The following BTLA variants were observed in gnomAD, a reference collection of about 807,000 sequenced individuals.
BTLA encodes B- and T-lymphocyte attenuator.
A neutral mutation model predicts 25.0 loss-of-function variants in BTLA; 11 were observed. The ratio of observed to expected loss-of-function variants is 0.44; its 90% CI spans 0.28 to 0.73. BTLA has a LOEUF of 0.73. Among genes scored for constraint, BTLA ranks in the 30% least tolerant of loss-of-function variants. The probability of loss-of-function intolerance (pLI) is 0.15; values close to 1 mark genes in which losing one functional copy is unlikely to be tolerated. For missense variants in BTLA, 282 were observed against 332.8 expected (o/e 0.85, Z 1.19); for synonymous variants, 104 against 119.8 (o/e 0.87, Z 0.86).
At position 112,485,427 on chromosome 3, in the gene BTLA, T is replaced by G. The variant is rs145853705; in HGVS notation, c.89-5658A>C. 2.0e-5 allele frequency among the ~76,000 whole-genome samples: 3 copies of G among 152,352 alleles called. No homozygotes were observed. The East Asian group carries it at 5.8e-4, about 29-fold the overall frequency. On this transcript the variant is annotated intron_variant, in intron 1 of 4. Coordinates refer to ENST00000334529, the MANE Select transcript of BTLA (RefSeq NM_181780.4). ...CTGTTCTGAATTATGCATATCCATC[T>G]TATGATACTTAGGACACACAAAGCT...
At chr3:112,481,511 A>T (rs2082318021) in intron 1 of BTLA, among the ~76,000 whole-genome samples, 1 of 152,228 alleles carries the variant, frequency 6.6e-6, no homozygotes, top group South Asian at 2.1e-4. Flanking sequence ...CAGAGAACAG[A>T]AACCTGAGGC....
chr3:112,485,907 T>C (rs548924813), intron 1 of BTLA, among the ~76,000 whole-genome samples: 97 of 152,274 alleles, frequency 6.4e-4, no homozygotes, highest in African/African-American at 2.3e-3. Flanking sequence ...GGTCAGGAGA[T>C]AGAGACCATC....
chr3:112,483,866 G>T (rs1023075613), intron 1 of BTLA, among the ~76,000 whole-genome samples: 4 of 152,094 alleles, frequency 2.6e-5, no homozygotes, highest in Middle Eastern at 3.4e-3. Context: ...TACTCAAGAG[G>T]CTGAGGCAGG....
intron 1 of BTLA, among the ~76,000 whole-genome samples, chr3:112,486,559 T>C (rs982559748): frequency 6.6e-6 from 1 of 152,174 alleles, no homozygotes; most frequent in Non-Finnish European, 1.5e-5. Flanking sequence ...GATTCTTTAG[T>C]TATAGTCTGA....
chr3:112,471,585 G>T (rs2082262369), intron 2 of BTLA, among the ~76,000 whole-genome samples: 1 of 152,144 alleles, frequency 6.6e-6, no homozygotes, highest in Non-Finnish European at 1.5e-5. Context: ...TCTTTATTCT[G>T]ATAGAGTTAA....
At chr3:112,472,070 G>T (rs1442606771) in intron 2 of BTLA, among the ~76,000 whole-genome samples, 1 of 152,134 alleles carries the variant, frequency 6.6e-6, no homozygotes, top group Non-Finnish European at 1.5e-5. Flanking sequence ...CTAGAGCAGT[G>T]GTTCTCAAGC....
At position 112,478,853 on chromosome 3, in the gene BTLA, A is replaced by G. The variant is rs540955774; in HGVS notation, c.403+602T>C. On this transcript the variant is annotated intron_variant, in intron 2 of 4. Transcript: ENST00000334529. ...CTTGGTTTCCCCAAGCTTAACTTCT[A>G]TCTGTCCTTCCTCAGTTGTCAAAGC... Among the ~76,000 whole-genome samples, 3 of 152,206 alleles carry G rather than the reference A, an allele frequency of 2.0e-5. No individual in the cohort carries two copies. In the East Asian group the frequency reaches 5.8e-4, roughly 29 times the overall value.
intron 1 of BTLA, among the ~76,000 whole-genome samples, chr3:112,487,585 C>CA (rs112489701): frequency 0.14 from 18,597 of 136,862 alleles, 2,160 homozygotes; most frequent in African/African-American, 0.31. Flanking sequence ...AAATCTGTGT[C>CA]AAAAAAAAAA....
chr3:112,483,615 C>T (rs981154974), intron 1 of BTLA, among the ~76,000 whole-genome samples: 2 of 152,040 alleles, frequency 1.3e-5, no homozygotes, highest in Non-Finnish European at 2.9e-5. Flanking sequence ...TGGAGCTTGC[C>T]TTCTAATGGG....
intron 3 of BTLA, 101 bp downstream of exon 3, chr3:112,471,111 G>A: frequency 7.5e-7 from 1 of 1,342,210 alleles, no homozygotes; most frequent in Non-Finnish European, 1.0e-6. Context: ...TTACAGGATT[G>A]GGAAAGAAAA....
At chr3:112,467,020 C>G (rs1025110134) in intron 4 of BTLA, among the ~76,000 whole-genome samples, 1 of 150,002 alleles carries the variant, frequency 6.7e-6, no homozygotes, top group Non-Finnish European at 1.5e-5. Flanking sequence ...TGCAGTGGTG[C>G]GATCTCGGCT....
At chr3:112,475,543 A>T (rs1490959535) in intron 2 of BTLA, among the ~76,000 whole-genome samples, 1 of 152,210 alleles carries the variant, frequency 6.6e-6, no homozygotes, top group African/African-American at 2.4e-5. Context: ...CAAACTACAG[A>T]TTATCTTTAG....
chr3:112,472,662 C>A (rs2082269149), intron 2 of BTLA, among the ~76,000 whole-genome samples: 1 of 151,912 alleles, frequency 6.6e-6, no homozygotes, highest in Non-Finnish European at 1.5e-5. Context: ...CCACTGCACT[C>A]AGCCTGGGTG....
chr3:112,473,736 T>C (rs1055336633), intron 2 of BTLA, among the ~76,000 whole-genome samples: 2 of 149,902 alleles, frequency 1.3e-5, no homozygotes, highest in Admixed American at 1.3e-4. Context: ...TGCTTCAGCC[T>C]CCTGAGTAGT....
At chr3:112,498,955 T>G (rs2082426119) in intron 1 of BTLA, among the ~76,000 whole-genome samples, 1 of 152,202 alleles carries the variant, frequency 6.6e-6, no homozygotes, top group Admixed American at 6.5e-5. Context: ...GCCAGAGCAT[T>G]TTTGCAAGAA....
chr3:112,467,336 A>C (rs2107306151), intron 4 of BTLA, among the ~76,000 whole-genome samples: 1 of 152,356 alleles, frequency 6.6e-6, no homozygotes, highest in East Asian at 1.9e-4. Flanking sequence ...AAAAACAAAA[A>C]GTAAAATTAG....
chr3:112,487,304 G>A (rs1262993154), intron 1 of BTLA, among the ~76,000 whole-genome samples: 1 of 152,208 alleles, frequency 6.6e-6, no homozygotes, highest in East Asian at 1.9e-4. Context: ...AAGGAAACCG[G>A]CCGGGCGTGG....
chr3:112,466,504 G>T, intron 4 of BTLA, 121 bp from the exon 5 acceptor site: 1 of 857,502 alleles, frequency 1.2e-6, no homozygotes, highest in Non-Finnish European at 1.7e-6. Context: ...ATAATCTACT[G>T]TTCCTCACAT....
At chr3:112,477,809 G>T (rs1479645980) in intron 2 of BTLA, among the ~76,000 whole-genome samples, 1 of 151,954 alleles carries the variant, frequency 6.6e-6, no homozygotes, top group Non-Finnish European at 1.5e-5. Context: ...AATATGGAGT[G>T]AGATGAGGGT....
Sources: allele counts gnomAD v4.1 joint callset (sites outside exome capture counted in the v4.1 genomes callset), GRCh38; gene constraint gnomAD v4.1.1; transcripts MANE v1.5; gene names NCBI Gene and HGNC (gene_info 2026-07-23, HGNC 2026-07-21).